The following CDKN2B-AS1 variants were observed in gnomAD, a reference collection of about 807,000 sequenced individuals.
The protein encoded by CDKN2B-AS1 is CDKN2B antisense RNA 1 (non-protein coding).
chr9:22,074,407 C>G (rs1357944418), intron 4 of CDKN2B-AS1, among the ~76,000 whole-genome samples: 1 of 152,130 alleles, frequency 6.6e-6, no homozygotes, highest in Non-Finnish European at 1.5e-5. Context: ...ATAAAACTAT[C>G]ACCACATAAA....
chr9:22,071,362 C>T (rs910439943), intron 4 of CDKN2B-AS1, among the ~76,000 whole-genome samples: 61 of 136,096 alleles, frequency 4.5e-4, no homozygotes, highest in African/African-American at 1.3e-3. Context: ...TGCAGTTGCG[C>T]GATCTTGGCT....
rs925834617 is a variant in CDKN2B-AS1 at position 22,073,640 on chromosome 9, G to T, written n.438+17253G>T. Reference sequence around the variant, plus strand: ...TTTATTTGATATGAAGAAACTGCCTGCTGTTTTGACCCATTTAGCTACTAG... The same window carrying T: ...TTTATTTGATATGAAGAAACTGCCTTCTGTTTTGACCCATTTAGCTACTAG... On this transcript the variant is annotated intron_variant and non_coding_transcript_variant, in intron 4 of 4. Transcript: ENST00000650946. Among the ~76,000 whole-genome samples the T allele has an allele frequency of 2.6e-5, 4 of 152,120 alleles. No homozygotes were observed. The South Asian group carries it at 8.3e-4, about 32-fold the overall frequency.
chr9:22,085,984 A>G (rs972196319), intron 4 of CDKN2B-AS1, among the ~76,000 whole-genome samples: 3 of 152,070 alleles, frequency 2.0e-5, no homozygotes, highest in Admixed American at 6.6e-5. Flanking sequence ...GAGAGGCAGG[A>G]TAGTTCAACA....
At position 22,041,859 on chromosome 9, in the gene CDKN2B-AS1, C is replaced by T. The variant is rs75917766; in HGVS notation, n.30-4892C>T. Among the ~76,000 whole-genome samples, 319 of 152,044 alleles carry T rather than the reference C, an allele frequency of 2.1e-3. 10 individuals are homozygous for T. In the East Asian group the frequency reaches 0.057, roughly 27 times the overall value. On this transcript the variant is annotated intron_variant and non_coding_transcript_variant, in intron 1 of 4. Transcript: ENST00000650946. ...GAAGCAATAGGGAGTGGCCTTGATTCCTGTTCTTGTATTTATGGGTAGCTA... is the reference window on the plus strand; with the variant it reads ...GAAGCAATAGGGAGTGGCCTTGATTTCTGTTCTTGTATTTATGGGTAGCTA...
intron 4 of CDKN2B-AS1, among the ~76,000 whole-genome samples, chr9:22,081,131 T>C (rs1429110150): frequency 2.0e-5 from 3 of 152,218 alleles, no homozygotes; most frequent in Non-Finnish European, 4.4e-5. Context: ...CTTTTAAAAC[T>C]GTAGCTTATA....
intron 4 of CDKN2B-AS1, among the ~76,000 whole-genome samples, chr9:22,060,553 C>A (rs1823773334): frequency 6.6e-6 from 1 of 152,202 alleles, no homozygotes; most frequent in Non-Finnish European, 1.5e-5. Context: ...TCTTCTGAGC[C>A]TTTCAAACTG....
chr9:22,024,872 G>C (rs1241702048), intron 1 of CDKN2B-AS1, among the ~76,000 whole-genome samples: 1 of 152,206 alleles, frequency 6.6e-6, no homozygotes, highest in African/African-American at 2.4e-5. Flanking sequence ...CACTGGTGCA[G>C]AAGCTATTCT....
chr9:22,029,069 A>G (rs921241742), intron 1 of CDKN2B-AS1, among the ~76,000 whole-genome samples: 2 of 151,564 alleles, frequency 1.3e-5, no homozygotes, highest in Admixed American at 1.3e-4. Context: ...AAAAAAAAAA[A>G]TCCAAGGGAC....
In CDKN2B-AS1 at chr9:22,066,936, A is replaced by G. The variant is rs143068312; in HGVS notation, n.438+10549A>G. Among the ~76,000 whole-genome samples the G allele has an allele frequency of 3.6e-3, 545 of 152,200 alleles. 6 individuals carry two copies. Among genetic ancestry groups the G allele is most frequent in the African/African-American group, 0.013 (522 of 41,560 alleles). On this transcript the variant is annotated intron_variant and non_coding_transcript_variant, in intron 4 of 4. Transcript: ENST00000650946. ...TGTAGGGACATGGATGAAGCTGGAA[A>G]CCATCATTCTGAGCAAACTATCGCA...
rs540214867 is a variant in CDKN2B-AS1 at position 21,996,744 on chromosome 9, C to G, written n.29+1583C>G. On this transcript the variant is annotated intron_variant and non_coding_transcript_variant, in intron 1 of 4. Coordinates refer to ENST00000650946, the Ensembl canonical transcript of CDKN2B-AS1. The surrounding 1 kb of genome is among the most constrained non-coding windows in gnomAD (Gnocchi z 5.4). ...GGTTTTCTGTCCCACAGAGGAAGGG[C>G]GCTTTAGAAAGGGTTAGTTCATCCT... 6.6e-6 allele frequency among the ~76,000 whole-genome samples: 1 copy of G among 152,200 alleles called. No individual in the cohort carries two copies. Among genetic ancestry groups the G allele is most frequent in the East Asian group, 1.9e-4 (1 of 5,182 alleles).
At chr9:22,109,254 A>C (rs537582568) in intron 4 of CDKN2B-AS1, among the ~76,000 whole-genome samples, 95 of 152,172 alleles carry the variant, frequency 6.2e-4, no homozygotes, top group Non-Finnish European at 1.2e-3. Flanking sequence ...CAGCTGGCTC[A>C]AGCTGATAAG....
At chr9:22,015,145 A>C (rs1025608106) in intron 1 of CDKN2B-AS1, among the ~76,000 whole-genome samples, 1 of 152,136 alleles carries the variant, frequency 6.6e-6, no homozygotes, top group African/African-American at 2.4e-5. Flanking sequence ...TGGCTGGGTC[A>C]AATGGTATTT....
At chr9:22,055,615 G>A (rs1823527650) in intron 3 of CDKN2B-AS1, among the ~76,000 whole-genome samples, 1 of 152,186 alleles carries the variant, frequency 6.6e-6, no homozygotes, top group South Asian at 2.1e-4. Flanking sequence ...TTGGTTTTCT[G>A]TGATTGATCT....
intron 1 of CDKN2B-AS1, among the ~76,000 whole-genome samples, chr9:22,017,489 A>G (rs1221676783): frequency 1.3e-5 from 2 of 152,196 alleles, no homozygotes; most frequent in Non-Finnish European, 2.9e-5. Flanking sequence ...GGGTTTACTG[A>G]ACTCTGGCAT....
intron 4 of CDKN2B-AS1, chr9:22,119,435 C>T (rs1331256471): frequency 6.6e-6 from 1 of 152,036 alleles, no homozygotes; most frequent in African/African-American, 2.4e-5. Flanking sequence ...CTCTTATGCG[C>T]TCTTGGGGCT....
rs200301190 is a variant in CDKN2B-AS1 at position 22,075,375 on chromosome 9, TGAAA to T, written n.438+18995_438+18998del. Among the ~76,000 whole-genome samples the T allele has an allele frequency of 7.9e-3, 1,197 of 152,254 alleles. 18 individuals carry two copies. The highest frequency in any genetic ancestry group is 0.027 in the African/African-American group (1,123 of 41,548). ...TTAACTTAAAGAGTGGTGATGAATA[TGAAA>T]GAAAGAGTCATAGTATATGATCAAA... On this transcript the variant is annotated intron_variant and non_coding_transcript_variant, in intron 4 of 4. Coordinates refer to ENST00000650946, the Ensembl canonical transcript of CDKN2B-AS1.
intron 4 of CDKN2B-AS1, among the ~76,000 whole-genome samples, chr9:22,071,719 T>A (rs950544072): frequency 5.9e-5 from 9 of 152,200 alleles, no homozygotes; most frequent in Admixed American, 5.9e-4. Context: ...CTGCTATGTA[T>A]CCTGAGAAAA....
intron 4 of CDKN2B-AS1, chr9:22,077,603 C>A (rs564735642): frequency 6.6e-6 from 1 of 152,132 alleles, no homozygotes; most frequent in Non-Finnish European, 1.5e-5. Context: ...CTAGTGACAA[C>A]GCTTTTGGAT....
intron 4 of CDKN2B-AS1, among the ~76,000 whole-genome samples, chr9:22,121,884 G>T (rs1256289084): frequency 6.6e-6 from 1 of 151,984 alleles, no homozygotes; most frequent in East Asian, 1.9e-4. Context: ...TTGATATAAT[G>T]ATTTTCTTTC....
Sources: allele counts gnomAD v4.1 joint callset (sites outside exome capture counted in the v4.1 genomes callset), GRCh38; gene constraint gnomAD v4.1.1; non-coding constraint Gnocchi (gnomAD v3.1); transcripts MANE v1.5; gene names NCBI Gene and HGNC (gene_info 2026-07-23, HGNC 2026-07-21).